The following MAD2L1BP variants were observed in gnomAD, a reference collection of about 807,000 sequenced individuals.
MAD2L1BP encodes the protein MAD2L1 binding protein.
MAD2L1BP carries 22 observed loss-of-function variants against 28.4 expected under a neutral mutation model. The ratio of observed to expected loss-of-function variants is 0.77; its 90% CI spans 0.55 to 1.10. The LOEUF is 1.10. MAD2L1BP is among the 50% of genes least tolerant of loss of function. The pLI is 0.00. For missense variants in MAD2L1BP, 325 were observed against 350.5 expected, an observed-to-expected ratio of 0.93 and a Z score of 0.58; for synonymous variants, 146 against 133.7, an observed-to-expected ratio of 1.09 and a Z score of -0.63.
chr6:43,640,552 TAA>T lies in MAD2L1BP; in HGVS notation c.*23_*24del. 2 of 1,539,500 alleles carry T rather than the reference TAA, an allele frequency of 1.3e-6. No individual in the cohort carries two copies. The highest frequency in any genetic ancestry group is 8.8e-7 in the Non-Finnish European group (1 of 1,142,600). The stretch of plus-strand genomic sequence containing the variant: ...CGAGTGAATGAGTGCTTCTTAATCC[TAA>T]AAACACAATGGCTGAATTATCTTTC... On this transcript the variant is annotated 3_prime_UTR_variant, in exon 3 of 3. Transcript: ENST00000372171.
chr6:43,635,979 C>T, intron 1 of MAD2L1BP, 58 bp downstream of exon 1: 1 of 1,483,732 alleles, frequency 6.7e-7, no homozygotes, highest in Non-Finnish European at 9.1e-7. Flanking sequence ...TCCCTACCGC[C>T]GCGCCATCCA....
chr6:43,640,521 C>T lies in MAD2L1BP; in HGVS notation c.813C>T (p.Gly271=). The change falls in exon 3 of 3, where the codon GGC becomes GGT. Residue 271 remains glycine, a synonymous_variant. Transcript: ENST00000372171. ...IWFQAPVTFK[G]FRE ...TCCAGGCACCAGTGACATTTAAAGG[C>T]TTCCGCGAGTGAATGAGTGCTTCTT... is the stretch of plus-strand genomic sequence containing the variant. 2 of 1,582,572 alleles carry T rather than the reference C, an allele frequency of 1.3e-6. No individual in the cohort carries two copies. Among genetic ancestry groups the T allele is most frequent in the Non-Finnish European group, 1.7e-6 (2 of 1,164,066 alleles).
upstream of MAD2L1BP, among the ~76,000 whole-genome samples, chr6:43,634,390 T>TA (rs1213553980): frequency 1.3e-5 from 2 of 151,376 alleles, no homozygotes; most frequent in Non-Finnish European, 2.9e-5. Context: ...TGGCTAACTT[T>TA]AAAAAAAAAT....
chr6:43,636,252 G>A, intron 1 of MAD2L1BP, 129 bp from the exon 2 acceptor site: 1 of 841,436 alleles, frequency 1.2e-6, no homozygotes, highest in Non-Finnish European at 1.9e-6. Context: ...GTAGGCTGCG[G>A]AGGATATGGG....
upstream of MAD2L1BP, among the ~76,000 whole-genome samples, chr6:43,631,511 T>G (rs1169101144): frequency 2.0e-5 from 3 of 152,194 alleles, no homozygotes; most frequent in Non-Finnish European, 4.4e-5. Context: ...TGAGACAAGG[T>G]CTCCCTCTGT....
chr6:43,631,940 C>T (rs1013615137), upstream of MAD2L1BP, among the ~76,000 whole-genome samples: 7 of 152,104 alleles, frequency 4.6e-5, no homozygotes, highest in East Asian at 1.3e-3. Context: ...GCTCTTGTTG[C>T]CCAGGCTGGA....
At position 43,640,420 on chromosome 6, in the gene MAD2L1BP, G is replaced by A. The variant is rs1487228210; in HGVS notation, c.712G>A (p.Gly238Ser). ...PKLNYRVPSR[G>S]HKLTVTLSCG... is the part of the protein sequence containing the mutation. ...GCTCAACTATCGAGTGCCCAGCCGGGGCCATAAACTGACTGTGACCCTGTC... is the reference window on the plus strand; with the variant it reads ...GCTCAACTATCGAGTGCCCAGCCGGAGCCATAAACTGACTGTGACCCTGTC... Residue 238 changes from glycine (G) to serine (S), a missense_variant, in exon 3 of 3, where the codon GGC becomes AGC. Physicochemically the swap from Gly to Ser is moderately conservative, Grantham distance 56 (BLOSUM62 0). Coordinates refer to ENST00000372171, the MANE Select transcript of MAD2L1BP (RefSeq NM_014628.3). The A allele has an allele frequency of 6.2e-7, 1 of 1,613,778 alleles. No individual in the cohort carries two copies. The highest frequency in any genetic ancestry group is 8.5e-7 in the Non-Finnish European group (1 of 1,180,016).
chr6:43,631,565 C>T (rs956073905), upstream of MAD2L1BP, among the ~76,000 whole-genome samples: 1 of 152,166 alleles, frequency 6.6e-6, no homozygotes, highest in Non-Finnish European at 1.5e-5. Context: ...CTCATTGCAG[C>T]CTCAACCTCC....
Position 43,640,419 on chromosome 6 carries a change from G to C in MAD2L1BP, c.711G>C (p.Arg237=). Residue 237 remains arginine, a synonymous_variant, in exon 3 of 3, where the codon CGG becomes CGC. Coordinates refer to ENST00000372171, the MANE Select transcript of MAD2L1BP (RefSeq NM_014628.3). ...RPKLNYRVPS[R]GHKLTVTLSC... ...AGCTCAACTATCGAGTGCCCAGCCGGGGCCATAAACTGACTGTGACCCTGT... is the reference window on the plus strand; with the variant it reads ...AGCTCAACTATCGAGTGCCCAGCCGCGGCCATAAACTGACTGTGACCCTGT... 1 of 1,613,898 alleles carries C rather than the reference G, an allele frequency of 6.2e-7. No homozygotes were observed. The highest frequency in any genetic ancestry group is 8.5e-7 in the Non-Finnish European group (1 of 1,180,010).
upstream of MAD2L1BP, among the ~76,000 whole-genome samples, chr6:43,631,304 T>G (rs1183883387): frequency 6.6e-6 from 1 of 152,146 alleles, no homozygotes; most frequent in African/African-American, 2.4e-5. Flanking sequence ...GGGAAACTGC[T>G]GCTTAGAGAC....
At chr6:43,634,530 C>T (rs1349636752), upstream of MAD2L1BP, among the ~76,000 whole-genome samples, 1 of 152,020 alleles carries the variant, frequency 6.6e-6, no homozygotes, top group Non-Finnish European at 1.5e-5. Context: ...CAGAAACCTG[C>T]TTGTTTTCTT....
Position 43,640,364 on chromosome 6 carries a change from G to A in MAD2L1BP, c.656G>A (p.Arg219His), listed in dbSNP as rs765349395. ...MGTVVMAQGH[R>H]NCGEDWFRPK... ...ACCGTCGTCATGGCACAGGGACACC[G>A]CAACTGTGGAGAAGATTGGTTTCGA... is the stretch of plus-strand genomic sequence containing the variant. The change falls in exon 3 of 3, where the codon CGC becomes CAC. Residue 219 changes from arginine to histidine, a missense_variant. By Grantham distance (29) the Arg-to-His change is conservative. Coordinates refer to ENST00000372171, the MANE Select transcript of MAD2L1BP (RefSeq NM_014628.3). 5.6e-6 allele frequency: 9 copies of A among 1,613,792 alleles called. No individual in the cohort carries two copies. The highest frequency in any genetic ancestry group is 2.2e-5 in the East Asian group (1 of 44,892).
chr6:43,636,635 C>T lies in MAD2L1BP; in HGVS notation c.301C>T (p.Pro101Ser), dbSNP rs1770238443. 3.7e-6 allele frequency: 6 copies of T among 1,612,544 alleles called. No individual in the cohort carries two copies. Among genetic ancestry groups the T allele is most frequent in the Non-Finnish European group, 5.1e-6 (6 of 1,178,612 alleles). ...YEQLKHFYRK[P>S]SPQAEEMLKK... ...ACAGCTTAAGCACTTTTACCGAAAA[C>T]CTTCTCCCCAGGTAGGCACAGGCTT... is the stretch of plus-strand genomic sequence containing the variant. The change falls in exon 2 of 3, where the codon CCT (proline) becomes TCT (serine). Residue 101 changes from proline (P) to serine (S), a missense_variant. Physicochemically the swap from Pro to Ser is moderately conservative, Grantham distance 74. Transcript: ENST00000372171.
At chr6:43,636,357 C>T (rs764249700) in intron 1 of MAD2L1BP, 24 bp from the exon 2 acceptor site, 17 of 1,612,154 alleles carry the variant, frequency 1.1e-5, no homozygotes, top group Non-Finnish European at 1.4e-5. Context: ...ATTTTTCTCT[C>T]TTGTCCCTCT....
In MAD2L1BP at chr6:43,636,453, A is replaced by G; in HGVS notation, c.119A>G (p.Gln40Arg). The G allele has an allele frequency of 6.2e-7, 1 of 1,614,190 alleles. No individual in the cohort carries two copies. Residue 40 changes from glutamine (Q) to arginine (R), a missense_variant, in exon 2 of 3, where the codon CAG becomes CGG. Gln to Arg is a conservative substitution (Grantham distance 43, BLOSUM62 1). Transcript: ENST00000372171. ...GAACTACTTGAGACAAGCTCTACGC[A>G]GGAACCTCTCAACGCTTCGGAGGCC... ...QIELLETSST[Q>R]EPLNASEAFC...
Position 43,636,441 on chromosome 6 carries a change from C to G in MAD2L1BP, c.107C>G (p.Thr36Arg). The G allele has an allele frequency of 6.2e-7, 1 of 1,614,174 alleles. No individual in the cohort carries two copies. Among genetic ancestry groups the G allele is most frequent in the Non-Finnish European group, 8.5e-7 (1 of 1,180,024 alleles). Residue 36 changes from threonine (T) to arginine (R), a missense_variant, in exon 2 of 3, where the codon ACA becomes AGA. By Grantham distance (71) the Thr-to-Arg change is moderately conservative. Transcript: ENST00000372171. ...THASQIELLE[T>R]SSTQEPLNAS... The stretch of plus-strand genomic sequence containing the variant: ...GCCTCCCAGATAGAACTACTTGAGA[C>G]AAGCTCTACGCAGGAACCTCTCAAC...
At chr6:43,634,223 T>TC (rs1770076073), upstream of MAD2L1BP, among the ~76,000 whole-genome samples, 1 of 138,264 alleles carries the variant, frequency 7.2e-6, no homozygotes, top group African/African-American at 2.7e-5. Context: ...TTTTTTTCTT[T>TC]TTTTTTTTTT....
rs1770507495 is a variant in MAD2L1BP, at chr6:43,640,536, G to C, written c.*3G>C. The C allele has an allele frequency of 2.6e-6, 4 of 1,568,042 alleles. No individual in the cohort carries two copies. The highest frequency in any genetic ancestry group is 3.5e-6 in the Non-Finnish European group (4 of 1,157,030). ...CATTTAAAGGCTTCCGCGAGTGAAT[G>C]AGTGCTTCTTAATCCTAAAAACACA... is the stretch of plus-strand genomic sequence containing the variant. On this transcript the variant is annotated 3_prime_UTR_variant, in exon 3 of 3. Transcript: ENST00000372171.
Position 43,640,137 on chromosome 6 carries a change from A to ACTTCTTCG in MAD2L1BP, c.430_431insTTCTTCGC (p.Arg144LeufsTer6), listed in dbSNP as rs779653810. The ACTTCTTCG allele has an allele frequency of 6.2e-7, 1 of 1,611,756 alleles. No individual in the cohort carries two copies. The highest frequency in any genetic ancestry group is 1.1e-5 in the South Asian group (1 of 90,898). ...TCAGCCACCTGGAGGACTTCTTTGC[A>ACTTCTTCG]CGGACACTAGTACCGCGAGTGCTGA... On this transcript the variant is annotated frameshift_variant, in exon 3 of 3. Transcript: ENST00000372171. LOFTEE classifies it high-confidence loss of function.
Sources: gnomAD v4.1 joint callset for allele counts (sites outside exome capture counted in the v4.1 genomes callset) on GRCh38, gnomAD v4.1.1 for gene constraint, MANE v1.5 for transcripts, NCBI Gene and HGNC (gene_info 2026-07-23, HGNC 2026-07-21) for gene names.